The following GINS1 variants were observed in gnomAD, a reference collection of about 807,000 sequenced individuals.
GINS1 encodes the protein GINS complex subunit 1, also known as DNA replication complex GINS protein PSF1.
A neutral mutation model predicts 34.9 loss-of-function variants in GINS1; 26 were observed. The ratio of observed to expected loss-of-function variants is 0.74; its 90% CI spans 0.55 to 1.03. GINS1 has a LOEUF of 1.03. Ranked by LOEUF, GINS1 falls within the 50% of genes least tolerant of loss-of-function variation. GINS1 has a pLI of 0.00. For missense variants in GINS1, 235 were observed against 237.9 expected (o/e 0.99, Z 0.08); for synonymous variants, 97 against 84.4 (o/e 1.15, Z -0.82).
At position 25,439,821 on chromosome 20, in the gene GINS1, C is replaced by T. The variant is rs142418680; in HGVS notation, c.448-1881C>T. On this transcript the variant is annotated intron_variant, in intron 5 of 6. Transcript: ENST00000262460. ...CAGCCTGGCCAACATGGTGAAACCCCGTCCCTACTAAAAATACAAAAAAAT... is the reference window on the plus strand; with the variant it reads ...CAGCCTGGCCAACATGGTGAAACCCTGTCCCTACTAAAAATACAAAAAAAT... Among the ~76,000 whole-genome samples, 214 of 151,862 alleles carry T rather than the reference C, an allele frequency of 1.4e-3. 1 individual carries two copies. The highest frequency in any genetic ancestry group is 4.8e-3 in the African/African-American group (198 of 41,460).
chr20:25,436,493 C>T (rs947212760), intron 5 of GINS1, among the ~76,000 whole-genome samples: 1 of 152,042 alleles, frequency 6.6e-6, no homozygotes, highest in South Asian at 2.1e-4. Flanking sequence ...TCCTTTTCTT[C>T]GGTCTTTTTT....
At chr20:25,413,970 T>C (rs2090304132) in intron 2 of GINS1, 116 bp downstream of exon 2, 1 of 636,616 alleles carries the variant, frequency 1.6e-6, no homozygotes, top group Non-Finnish European at 2.9e-6. Context: ...GGCGGGCGGA[T>C]TACGAGGTCA....
Position 25,407,686 on chromosome 20 carries a change from G to A in GINS1, c.-135G>A, listed in dbSNP as rs894508816. 2 of 718,328 alleles carry A rather than the reference G, an allele frequency of 2.8e-6. No homozygotes were observed. Among genetic ancestry groups the A allele is most frequent in the African/African-American group, 3.6e-5 (2 of 56,206 alleles). 44.5% of individuals were successfully genotyped at this position (718,328 alleles called of 1,614,324 possible). On this transcript the variant is annotated 5_prime_UTR_variant, in exon 1 of 7. Transcript: ENST00000262460. ...TTGGCTAGCTTTGTTCGGCGCCAAA[G>A]CGCGGAGCGGAGGCCGAGGCGAGAG...
At chr20:25,445,212 G>A (rs1316752202) in intron 6 of GINS1, among the ~76,000 whole-genome samples, 1 of 149,882 alleles carries the variant, frequency 6.7e-6, no homozygotes, top group African/African-American at 2.5e-5. Context: ...TTTTTTTTTT[G>A]AGATGGAGTT....
chr20:25,427,115 G>A (rs1029975984), intron 5 of GINS1, among the ~76,000 whole-genome samples: 1 of 151,812 alleles, frequency 6.6e-6, no homozygotes, highest in Non-Finnish European at 1.5e-5. Flanking sequence ...CCAACATTAC[G>A]CAAGGGTTCC....
chr20:25,438,489 C>T (rs1286875961), intron 5 of GINS1, among the ~76,000 whole-genome samples: 5 of 143,896 alleles, frequency 3.5e-5, no homozygotes, highest in African/African-American at 1.3e-4. Flanking sequence ...AGTATGAATG[C>T]ATAATGACAC....
chr20:25,427,975 G>A (rs770317901), intron 5 of GINS1, among the ~76,000 whole-genome samples: 11 of 149,570 alleles, frequency 7.4e-5, no homozygotes, highest in South Asian at 2.1e-4. Flanking sequence ...GGGTTCAAGC[G>A]ATTCTCCTGC....
At chr20:25,423,371 C>T (rs2090368484) in intron 4 of GINS1, among the ~76,000 whole-genome samples, 1 of 150,508 alleles carries the variant, frequency 6.6e-6, no homozygotes, top group African/African-American at 2.4e-5. Flanking sequence ...ACCTTGGTCT[C>T]CCAAAGCTGG....
At chr20:25,425,830 T>A (rs2090387678) in intron 5 of GINS1, among the ~76,000 whole-genome samples, 1 of 152,224 alleles carries the variant, frequency 6.6e-6, no homozygotes, top group South Asian at 2.1e-4. Flanking sequence ...TTCTATTTTT[T>A]AAATAATAAA....
chr20:25,423,020 A>G (rs1376960061), intron 4 of GINS1, among the ~76,000 whole-genome samples: 7 of 151,836 alleles, frequency 4.6e-5, no homozygotes, highest in African/African-American at 1.4e-4. Flanking sequence ...CAGGTGGTCC[A>G]CCTGCCCCAG....
intron 4 of GINS1, among the ~76,000 whole-genome samples, chr20:25,423,622 TTTTTTTTC>T: frequency 2.5e-5 from 2 of 80,198 alleles, no homozygotes; most frequent in South Asian, 4.1e-4. Context: ...CTTTTTTTTT[TTTTTTTTC>T]CGAGACGGAG....
rs77211490 is a variant in GINS1, at chr20:25,431,575, C to CTT, written c.447+6260_447+6261dup. ...TTTTCTTTTTCCTTTTTTCTTTTTTCTTTTTTTTTTTTTGAGACAGGATCT... is the reference window on the plus strand; with the variant it reads ...TTTTCTTTTTCCTTTTTTCTTTTTTCTTTTTTTTTTTTTTTGAGACAGGATCT... On this transcript the variant is annotated intron_variant, in intron 5 of 6. Transcript: ENST00000262460. Among the ~76,000 whole-genome samples the CTT allele has an allele frequency of 7.0e-3, 926 of 132,154 alleles. 13 individuals carry two copies. Among genetic ancestry groups the CTT allele is most frequent in the African/African-American group, 0.022 (786 of 36,042 alleles). The allele number at this position is 132,154 out of a possible 152,430, so 86.7% of individuals were successfully genotyped here.
At chr20:25,444,833 T>C (rs750780075) in intron 6 of GINS1, among the ~76,000 whole-genome samples, 3 of 152,192 alleles carry the variant, frequency 2.0e-5, no homozygotes, top group Non-Finnish European at 4.4e-5. Context: ...CCATGTACCA[T>C]GTGAATAGCA....
chr20:25,425,006 G>C (rs886261921), intron 4 of GINS1, among the ~76,000 whole-genome samples: 1 of 152,182 alleles, frequency 6.6e-6, no homozygotes, highest in African/African-American at 2.4e-5. Flanking sequence ...TGAGAACAGA[G>C]ATTTTTGTTC....
intron 1 of GINS1, among the ~76,000 whole-genome samples, chr20:25,410,637 A>T (rs1473488471): frequency 1.3e-5 from 2 of 150,390 alleles, no homozygotes; most frequent in Non-Finnish European, 1.5e-5. Context: ...ATCTCGGCTC[A>T]CTGCAACCTC....
At chr20:25,445,371 G>A (rs1193034407) in intron 6 of GINS1, among the ~76,000 whole-genome samples, 1 of 141,510 alleles carries the variant, frequency 7.1e-6, no homozygotes, top group African/African-American at 2.7e-5. Flanking sequence ...TTTTGTGACA[G>A]AGTCTCACTC....
intron 4 of GINS1, among the ~76,000 whole-genome samples, chr20:25,422,727 A>G (rs560697778): frequency 4.6e-5 from 7 of 152,308 alleles, no homozygotes; most frequent in African/African-American, 1.4e-4. Context: ...ACTAAATGTA[A>G]TATTTTTGAG....
At chr20:25,409,648 T>C (rs4815424) in intron 1 of GINS1, among the ~76,000 whole-genome samples, 86,429 of 152,026 alleles carry the variant, frequency 0.57, 25,312 homozygotes, top group African/African-American at 0.63. Flanking sequence ...GAAACTGAGC[T>C]GACACAAATT....
At position 25,410,669 on chromosome 20, in the gene GINS1, C is replaced by T. The variant is rs73331883; in HGVS notation, c.75+2774C>T. Among the ~76,000 whole-genome samples the T allele has an allele frequency of 9.8e-3, 1,491 of 152,132 alleles. 11 individuals are homozygous for T. The highest frequency in any genetic ancestry group is 0.034 in the Middle Eastern group (10 of 294). Reference sequence around the variant, plus strand: ...CCTCCGCCTTCTGGGTTAAGCAATTCTCCTGCCTCAGCTTCCCTAGTAGCT... The same window carrying T: ...CCTCCGCCTTCTGGGTTAAGCAATTTTCCTGCCTCAGCTTCCCTAGTAGCT... On this transcript the variant is annotated intron_variant, in intron 1 of 6. Transcript: ENST00000262460.
Sources: allele counts gnomAD v4.1 joint callset (sites outside exome capture counted in the v4.1 genomes callset), GRCh38; gene constraint gnomAD v4.1.1; transcripts MANE v1.5; gene names NCBI Gene and HGNC (gene_info 2026-07-23, HGNC 2026-07-21).